The following LOC400499 variants were observed in gnomAD, a reference collection of about 807,000 sequenced individuals.
chr16:11,463,382 ATGTG>A, the LOC400499 span, among the ~76,000 whole-genome samples: 2 of 149,344 alleles, frequency 1.3e-5, no homozygotes, highest in African/African-American at 2.4e-5. Flanking sequence ...GTGTGTGCGG[ATGTG>A]TGTGTATGAA....
chr16:11,518,883 A>G, the LOC400499 span: 5 of 398,950 alleles, frequency 1.3e-5, no homozygotes, highest in African/African-American at 6.2e-5. Flanking sequence ...TCCCAGCCCC[A>G]TGGCCAAGTG....
chr16:11,440,597 C>T, the LOC400499 span: 2 of 397,592 alleles, frequency 5.0e-6, no homozygotes, highest in Non-Finnish European at 8.9e-6. Flanking sequence ...AAAATAAGGG[C>T]TGTGCTGTTG....
chr16:11,385,925 C>CTT, the LOC400499 span, among the ~76,000 whole-genome samples: 3 of 152,096 alleles, frequency 2.0e-5, no homozygotes, highest in African/African-American at 7.2e-5. Context: ...CATCCCAGCA[C>CTT]TTTGGGGGAC....
At chr16:11,452,312 G>T in the LOC400499 span, among the ~76,000 whole-genome samples, 3 of 148,716 alleles carry the variant, frequency 2.0e-5, no homozygotes, top group African/African-American at 7.4e-5. Flanking sequence ...TTATTCTGTT[G>T]CTTTCAGACA....
At chr16:11,425,723 C>G in the LOC400499 span, among the ~76,000 whole-genome samples, 8 of 152,002 alleles carry the variant, frequency 5.3e-5, no homozygotes, top group Non-Finnish European at 8.8e-5. Context: ...TTCCAAAAAA[C>G]TCCCACAAAG....
the LOC400499 span, among the ~76,000 whole-genome samples, chr16:11,439,883 T>C: frequency 1.3e-5 from 2 of 151,950 alleles, no homozygotes; most frequent in Admixed American, 1.3e-4. Flanking sequence ...ACCCTGACCT[T>C]GAACCAGGCA....
At chr16:11,461,203 T>C in the LOC400499 span, 1 of 1,449,620 alleles carries the variant, frequency 6.9e-7, no homozygotes, top group East Asian at 2.5e-5. Flanking sequence ...GGGACTCAGG[T>C]ATCACCGAGG....
At chr16:11,404,568 A>T in the LOC400499 span, 3 of 393,666 alleles carry the variant, frequency 7.6e-6, no homozygotes, top group Admixed American at 1.3e-4. Flanking sequence ...GCTGGTCTCA[A>T]ACTCCTGACC....
the LOC400499 span, among the ~76,000 whole-genome samples, chr16:11,430,547 C>A: frequency 1.3e-5 from 2 of 151,818 alleles, no homozygotes; most frequent in Non-Finnish European, 1.5e-5. Context: ...AAACACAATT[C>A]AGGAATAAAA....
the LOC400499 span, chr16:11,392,923 G>A: frequency 0.15 from 70,620 of 465,394 alleles, 5,342 homozygotes; most frequent in African/African-American, 0.18. Context: ...ACACGATCTC[G>A]GCTCACTGCA....
the LOC400499 span, chr16:11,484,885 C>A: frequency 2.5e-6 from 1 of 399,214 alleles, no homozygotes; most frequent in Non-Finnish European, 4.4e-6. Context: ...TTACCTTCTG[C>A]TGTAGGTATC....
the LOC400499 span, among the ~76,000 whole-genome samples, chr16:11,383,258 G>A: frequency 2.0e-5 from 3 of 152,026 alleles, no homozygotes; most frequent in African/African-American, 2.4e-5. Flanking sequence ...TAGTAGAGAC[G>A]GGGTTTCACC....
chr16:11,471,049 G>A, the LOC400499 span, among the ~76,000 whole-genome samples: 3 of 152,226 alleles, frequency 2.0e-5, no homozygotes, highest in Non-Finnish European at 2.9e-5. Flanking sequence ...TGTGGGTCAC[G>A]GCGTCTGGCT....
chr16:11,431,142 G>A, the LOC400499 span: 1 of 399,066 alleles, frequency 2.5e-6, no homozygotes, highest in Non-Finnish European at 4.4e-6. Flanking sequence ...GGAAAGTCAG[G>A]ATCCGGCCTC....
the LOC400499 span, chr16:11,478,027 C>A: frequency 2.5e-6 from 1 of 398,550 alleles, no homozygotes; most frequent in Non-Finnish European, 4.4e-6. Flanking sequence ...AAATGATAAG[C>A]GGGGGCCGGG....
At chr16:11,432,976 G>T in the LOC400499 span, among the ~76,000 whole-genome samples, 3 of 152,140 alleles carry the variant, frequency 2.0e-5, no homozygotes, top group African/African-American at 7.2e-5. Context: ...GCTTCCTCGT[G>T]TATCTTTTTA....
the LOC400499 span, among the ~76,000 whole-genome samples, chr16:11,464,408 G>A: frequency 0.75 from 114,578 of 152,194 alleles, 43,727 homozygotes; most frequent in Admixed American, 0.8. Flanking sequence ...CACCCAAACC[G>A]GAACACTTTG....
At chr16:11,496,128 A>T in the LOC400499 span, among the ~76,000 whole-genome samples, 2 of 150,232 alleles carry the variant, frequency 1.3e-5, no homozygotes, top group Non-Finnish European at 3.0e-5. Context: ...GTCCAGTGGC[A>T]CAATCTCAGC....
the LOC400499 span, among the ~76,000 whole-genome samples, chr16:11,422,171 C>T: frequency 0.011 from 1,699 of 152,306 alleles, 31 homozygotes; most frequent in African/African-American, 0.034. Flanking sequence ...GAGGCCGAAA[C>T]GGGCCGATCA....
Sources: gnomAD v4.1 joint callset for allele counts (sites outside exome capture counted in the v4.1 genomes callset) on GRCh38, gnomAD v4.1.1 for gene constraint, MANE v1.5 for transcripts.